The following KIAA1217 variants were observed in gnomAD, a reference collection of about 807,000 sequenced individuals.
KIAA1217 encodes KIAA1217.
In KIAA1217, 88 loss-of-function variants were observed where a neutral mutation model predicts 163.9. The observed-to-expected ratio is 0.54, with a 90% confidence interval of 0.45 to 0.64. The LOEUF (loss-of-function observed/expected upper bound fraction) is 0.64. Ranked by LOEUF, KIAA1217 falls within the 30% of genes least tolerant of loss-of-function variation. The probability of loss-of-function intolerance (pLI) is 0.00; values close to 1 mark genes in which losing one functional copy is unlikely to be tolerated. For missense variants in KIAA1217, 2,372 were observed against 2,475.0 expected (o/e 0.96, Z 0.88); for synonymous variants, 903 against 923.1 (o/e 0.98, Z 0.39).
chr10:24,035,167 C>T (rs537385381), intron 2 of KIAA1217, among the ~76,000 whole-genome samples: 510 of 152,266 alleles, frequency 3.3e-3, no homozygotes, highest in Non-Finnish European at 5.9e-3. Flanking sequence ...GTTTCTGGGC[C>T]TCTGAGAGTT....
chr10:23,701,230 T>C (rs1836428839), intron 1 of KIAA1217, among the ~76,000 whole-genome samples: 1 of 152,338 alleles, frequency 6.6e-6, no homozygotes, highest in Non-Finnish European at 1.5e-5. Flanking sequence ...CCTAATACTA[T>C]TTTTGGAAAT....
intron 2 of KIAA1217, among the ~76,000 whole-genome samples, chr10:24,059,404 G>A (rs1221823238): frequency 2.0e-5 from 3 of 152,086 alleles, no homozygotes; most frequent in African/African-American, 7.2e-5. Flanking sequence ...AATGAGTTTG[G>A]AAATGTTCTC....
intron 10 of KIAA1217, among the ~76,000 whole-genome samples, chr10:24,517,142 C>G (rs1318451438): frequency 6.6e-6 from 1 of 151,048 alleles, no homozygotes; most frequent in Non-Finnish European, 1.5e-5. Context: ...ACCACTGCAC[C>G]CCAGCCTGGG....
At chr10:23,858,113 A>G (rs553437599) in intron 1 of KIAA1217, among the ~76,000 whole-genome samples, 2 of 152,184 alleles carry the variant, frequency 1.3e-5, no homozygotes, top group Admixed American at 1.3e-4. Flanking sequence ...GGAAAGGACA[A>G]CTGTGACCAC....
Position 24,546,436 on chromosome 10 carries a change from A to C in KIAA1217, c.*112A>C. ...ATATTGCTGTATCGTTTGAGGCTTA[A>C]TGCTAAATATGTGCTAAATACTGGA... On this transcript the variant is annotated 3_prime_UTR_variant, in exon 21 of 21. Transcript: ENST00000376454. 1 of 1,081,120 alleles carries C rather than the reference A, an allele frequency of 9.2e-7. No individual in the cohort carries two copies. The highest frequency in any genetic ancestry group is 1.7e-5 in the South Asian group (1 of 59,188). 67.0% of individuals were successfully genotyped at this position (1,081,120 alleles called of 1,614,324 possible).
intron 1 of KIAA1217, among the ~76,000 whole-genome samples, chr10:23,709,893 G>T (rs964226663): frequency 1.3e-5 from 2 of 152,172 alleles, no homozygotes; most frequent in Non-Finnish European, 2.9e-5. Flanking sequence ...AGCTCTCTGG[G>T]CAGCATTACT....
chr10:24,121,768 G>T (rs556605531), intron 2 of KIAA1217, among the ~76,000 whole-genome samples: 1 of 152,208 alleles, frequency 6.6e-6, no homozygotes, highest in South Asian at 2.1e-4. Flanking sequence ...ATATGGGAAG[G>T]GAAGTCACTG....
intron 1 of KIAA1217, among the ~76,000 whole-genome samples, chr10:23,848,725 C>T (rs1044078298): frequency 1.4e-4 from 21 of 152,032 alleles, no homozygotes; most frequent in African/African-American, 4.8e-4. Flanking sequence ...CTTGCTTTTA[C>T]CTCTTATATA....
At chr10:23,726,492 G>A (rs1838142987) in intron 1 of KIAA1217, among the ~76,000 whole-genome samples, 1 of 151,930 alleles carries the variant, frequency 6.6e-6, no homozygotes, top group Non-Finnish European at 1.5e-5. Context: ...CATAGGCATG[G>A]GCAAGGACTT....
At chr10:24,134,527 G>C (rs113573341) in intron 2 of KIAA1217, among the ~76,000 whole-genome samples, 3,830 of 152,250 alleles carry the variant, frequency 0.025, 163 homozygotes, top group African/African-American at 0.087. Flanking sequence ...TAGGTAGTCA[G>C]ATGTCTAGTT....
At chr10:24,493,246 C>G (rs1226646034) in intron 6 of KIAA1217, among the ~76,000 whole-genome samples, 1 of 152,234 alleles carries the variant, frequency 6.6e-6, no homozygotes, top group Non-Finnish European at 1.5e-5. Context: ...CCCCACCACT[C>G]ACAAACCCAG....
At chr10:24,267,429 G>T (rs1240909487) in intron 2 of KIAA1217, among the ~76,000 whole-genome samples, 3 of 152,200 alleles carry the variant, frequency 2.0e-5, no homozygotes, top group Non-Finnish European at 1.5e-5. Flanking sequence ...TTACAAAACG[G>T]AAAGAGCTAT....
intron 1 of KIAA1217, among the ~76,000 whole-genome samples, chr10:23,898,125 G>C (rs1376736779): frequency 6.6e-6 from 1 of 151,894 alleles, no homozygotes; most frequent in Non-Finnish European, 1.5e-5. Context: ...ATATTTTACT[G>C]AACAAGCTGC....
intron 3 of KIAA1217, among the ~76,000 whole-genome samples, chr10:24,409,998 T>TTTTC (rs1491115817): frequency 1.7e-5 from 1 of 57,568 alleles, no homozygotes; most frequent in East Asian, 4.9e-4. Context: ...TTCTTTTTTC[T>TTTTC]TTTTTTTTTT....
At chr10:24,484,241 A>ATTTTTTT (rs59233394) in intron 6 of KIAA1217, among the ~76,000 whole-genome samples, 2 of 75,158 alleles carry the variant, frequency 2.7e-5, no homozygotes, top group African/African-American at 4.9e-5. Context: ...ATATATATAT[A>ATTTTTTT]TTTTTTTTTT....
At chr10:24,491,372 T>G (rs1346919456) in intron 6 of KIAA1217, among the ~76,000 whole-genome samples, 1 of 144,860 alleles carries the variant, frequency 6.9e-6, no homozygotes, top group Non-Finnish European at 1.5e-5. Context: ...TCACTGCAAC[T>G]TCTGCCTCCT....
chr10:23,843,543 C>A (rs1162004319), intron 1 of KIAA1217, among the ~76,000 whole-genome samples: 3 of 152,098 alleles, frequency 2.0e-5, no homozygotes, highest in Non-Finnish European at 4.4e-5. Flanking sequence ...TACCATTTGA[C>A]GAGGACCTGT....
intron 1 of KIAA1217, among the ~76,000 whole-genome samples, chr10:23,702,524 T>G (rs1219551283): frequency 2.0e-5 from 3 of 152,114 alleles, no homozygotes; most frequent in Non-Finnish European, 4.4e-5. Flanking sequence ...AGTTTGCTTT[T>G]TCATATGGGA....
chr10:23,904,089 T>A (rs137871997), intron 1 of KIAA1217, among the ~76,000 whole-genome samples: 4 of 152,150 alleles, frequency 2.6e-5, no homozygotes, highest in South Asian at 4.1e-4. Flanking sequence ...ACTGAATGAC[T>A]TTTTTTTGTA....
Sources: allele counts gnomAD v4.1 joint callset (sites outside exome capture counted in the v4.1 genomes callset), GRCh38; gene constraint gnomAD v4.1.1; transcripts MANE v1.5; gene names NCBI Gene and HGNC (gene_info 2026-07-23, HGNC 2026-07-21).